RHOH: variants seen among roughly 807,000 people sequenced by gnomAD.
RHOH encodes the protein rho-related GTP-binding protein RhoH.
Under a neutral mutation model 13.8 loss-of-function variants are expected in RHOH, and 6 were observed. The ratio of observed to expected loss-of-function variants is 0.44; its 90% CI spans 0.24 to 0.86. The LOEUF is 0.86. RHOH is among the 40% of genes least tolerant of loss of function. The pLI is 0.24. For missense variants in RHOH, 147 were observed against 244.5 expected (o/e 0.60, Z 2.66); for synonymous variants, 117 against 103.0 (o/e 1.14, Z -0.82).
intron 1 of RHOH, among the ~76,000 whole-genome samples, chr4:40,226,297 C>T (rs1727224543): frequency 6.6e-6 from 1 of 152,056 alleles, no homozygotes; most frequent in South Asian, 2.1e-4. Flanking sequence ...GAGGCTGAGG[C>T]GGGCGGATCA....
chr4:40,243,592 G>A lies in RHOH; in HGVS notation c.206G>A (p.Arg69Gln), dbSNP rs1481757095. 4 of 1,614,122 alleles carry A rather than the reference G, an allele frequency of 2.5e-6. No homozygotes were observed. The highest frequency in any genetic ancestry group is 3.4e-6 in the Non-Finnish European group (4 of 1,180,020). ...TAGNDAFRSI[R>Q]PLSYQQADVV... ...GGCAATGACGCCTTCAGAAGCATCC[G>A]GCCCCTGTCCTACCAGCAGGCAGAC... The change falls in exon 3 of 3, where the codon CGG becomes CAG. Residue 69 changes from arginine (R) to glutamine (Q), a missense_variant. Coordinates refer to ENST00000381799, the MANE Select transcript of RHOH (RefSeq NM_004310.5). This position sits in a 1 kb window ranked among gnomAD's most constrained non-coding sequence, Gnocchi z 6.2.
chr4:40,241,838 T>C (rs988500079), intron 1 of RHOH, among the ~76,000 whole-genome samples: 1 of 152,130 alleles, frequency 6.6e-6, no homozygotes, highest in Non-Finnish European at 1.5e-5. Flanking sequence ...TGCAGTGAGC[T>C]GTGATGACAC....
rs1729594883 is a variant in RHOH at position 40,244,073 on chromosome 4, A to G, written c.*111A>G. On this transcript the variant is annotated 3_prime_UTR_variant, in exon 3 of 3. Transcript: ENST00000381799. ...TGTTTTCTCTGGGTACACCCCAAGC[A>G]GCGTCTCCTTTTGGATACAGTTATT... 2 of 832,002 alleles carry G rather than the reference A, an allele frequency of 2.4e-6. No homozygotes were observed. The highest frequency in any genetic ancestry group is 3.7e-6 in the Non-Finnish European group (2 of 534,884). The allele number at this position is 832,002 out of a possible 1,614,324, so 51.5% of individuals were successfully genotyped here. A position where few individuals can be genotyped will look rare whatever the true frequency, so the allele number is the denominator to read the frequency against.
upstream of RHOH, among the ~76,000 whole-genome samples, chr4:40,194,897 C>A (rs1052484170): frequency 1.3e-5 from 2 of 152,190 alleles, no homozygotes; most frequent in Admixed American, 1.3e-4. Context: ...CATGGTGTTT[C>A]ACTTCAGCCG....
chr4:40,246,322 T>A lies in RHOH; in HGVS notation c.*2360T>A, dbSNP rs1729763445. The A allele has an allele frequency of 6.6e-6, 1 of 152,260 alleles. No individual in the cohort carries two copies. The allele number at this position is 152,260 out of a possible 1,614,324, so 9.4% of individuals were successfully genotyped here. A position where few individuals can be genotyped will look rare whatever the true frequency, so the allele number is the denominator to read the frequency against. The stretch of plus-strand genomic sequence containing the variant: ...AAGTGGGAAGGGCCACCATACATGA[T>A]CCTAAGTGAAGGAAGAGGAGGTGGT... On this transcript the variant is annotated 3_prime_UTR_variant, in exon 3 of 3. Transcript: ENST00000381799.
intron 1 of RHOH, among the ~76,000 whole-genome samples, chr4:40,223,715 T>A (rs557525833): frequency 6.6e-5 from 10 of 151,996 alleles, no homozygotes; most frequent in Admixed American, 1.3e-4. Context: ...AAAATATTTT[T>A]AAATTAAGCC....
intron 1 of RHOH, among the ~76,000 whole-genome samples, chr4:40,242,024 G>A (rs551818559): frequency 2.0e-5 from 3 of 152,346 alleles, no homozygotes; most frequent in South Asian, 2.1e-4. Flanking sequence ...CAGGAAGATC[G>A]CCAGGGAGGG....
At chr4:40,225,484 C>G (rs975727345) in intron 1 of RHOH, among the ~76,000 whole-genome samples, 2 of 152,052 alleles carry the variant, frequency 1.3e-5, no homozygotes, top group Non-Finnish European at 2.9e-5. Flanking sequence ...CTGATTCTTA[C>G]GCATTGCTAG....
intron 1 of RHOH, among the ~76,000 whole-genome samples, chr4:40,232,391 AT>A (rs11324243): frequency 0.63 from 92,428 of 147,696 alleles, 29,524 homozygotes; most frequent in Non-Finnish European, 0.7. Context: ...TGCCTGGCTA[AT>A]TTTTTTTTTT....
At chr4:40,222,173 A>G (rs1162620919) in intron 1 of RHOH, among the ~76,000 whole-genome samples, 5 of 152,232 alleles carry the variant, frequency 3.3e-5, no homozygotes, top group African/African-American at 9.6e-5. Context: ...AAGTATAAAG[A>G]GAGGCAGCAG....
intron 1 of RHOH, among the ~76,000 whole-genome samples, chr4:40,203,173 C>T (rs746060685): frequency 2.0e-5 from 3 of 152,092 alleles, no homozygotes; most frequent in Non-Finnish European, 4.4e-5. Context: ...GGAGTTTCAC[C>T]GTGTTAGCCA....
upstream of RHOH, among the ~76,000 whole-genome samples, chr4:40,195,506 G>T (rs1263061643): frequency 6.6e-6 from 1 of 151,456 alleles, no homozygotes; most frequent in Non-Finnish European, 1.5e-5. Flanking sequence ...TGTGTCCCCA[G>T]GCTGGAGTGT....
chr4:40,204,088 A>G (rs998101939), intron 1 of RHOH, among the ~76,000 whole-genome samples: 1 of 152,252 alleles, frequency 6.6e-6, no homozygotes, highest in African/African-American at 2.4e-5. Flanking sequence ...TCACAAAATA[A>G]ACATATGAAA....
chr4:40,212,566 C>T (rs910064646), intron 1 of RHOH: 9 of 152,152 alleles, frequency 5.9e-5, no homozygotes, highest in Admixed American at 1.3e-4. Flanking sequence ...TAAAAAACTT[C>T]CTTCTCCTCC....
chr4:40,233,433 C>A (rs991445500), intron 1 of RHOH, among the ~76,000 whole-genome samples: 2 of 127,942 alleles, frequency 1.6e-5, no homozygotes, highest in Admixed American at 7.4e-5. Flanking sequence ...TCAAAGGAAC[C>A]GAAGGTCAGA....
intron 1 of RHOH, among the ~76,000 whole-genome samples, chr4:40,222,291 C>A (rs182875341): frequency 7.6e-4 from 115 of 152,262 alleles, no homozygotes; most frequent in African/African-American, 2.6e-3. Context: ...AAATGGCCTT[C>A]TATTGGAAGA....
chr4:40,243,916 G>A lies in RHOH; in HGVS notation c.530G>A (p.Arg177Gln), dbSNP rs1244021714. ...ACTGCCGTCAACCAGGCCAGGAGAC[G>A]AAACAGAAGGAGGCTCTTCTCCATC... ...VRTAVNQARR[R>Q]NRRRLFSINE... is the part of the protein sequence containing the mutation. Residue 177 changes from arginine to glutamine, a missense_variant, in exon 3 of 3, where the codon CGA becomes CAA. Physicochemically the swap from Arg to Gln is conservative, Grantham distance 43. Coordinates refer to ENST00000381799, the MANE Select transcript of RHOH (RefSeq NM_004310.5). The surrounding 1 kb of genome is among the most constrained non-coding windows in gnomAD (Gnocchi z 6.2). The A allele has an allele frequency of 1.9e-6, 3 of 1,614,062 alleles. No homozygotes were observed. Among genetic ancestry groups the A allele is most frequent in the Non-Finnish European group, 8.5e-7 (1 of 1,179,974 alleles).
chr4:40,221,408 C>T (rs1368533739), intron 1 of RHOH, among the ~76,000 whole-genome samples: 6 of 152,124 alleles, frequency 3.9e-5, no homozygotes, highest in Admixed American at 2.6e-4. Flanking sequence ...CTGTGTTGAG[C>T]GAGTCTATCG....
intron 1 of RHOH, among the ~76,000 whole-genome samples, chr4:40,227,107 C>A (rs191973002): frequency 3.3e-5 from 5 of 151,946 alleles, no homozygotes; most frequent in African/African-American, 1.2e-4. Flanking sequence ...TGCAGTGAGC[C>A]GATCTCGCCA....
Sources: allele counts gnomAD v4.1 joint callset (sites outside exome capture counted in the v4.1 genomes callset), GRCh38; gene constraint gnomAD v4.1.1; non-coding constraint Gnocchi (gnomAD v3.1); transcripts MANE v1.5; gene names NCBI Gene and HGNC (gene_info 2026-07-23, HGNC 2026-07-21).